EEPD1: variants seen among roughly 807,000 people sequenced by gnomAD.
EEPD1 encodes the protein endonuclease/exonuclease/phosphatase family domain containing 1.
A neutral mutation model predicts 46.3 loss-of-function variants in EEPD1; 17 were observed. The observed-to-expected ratio is 0.37, with a 90% CI of 0.25 to 0.55. EEPD1 has a LOEUF of 0.55. Among genes scored for constraint, EEPD1 ranks in the 20% least tolerant of loss-of-function variants. The pLI is 0.83. For synonymous variants in EEPD1, 313 were observed against 315.6 expected (o/e 0.99, Z 0.09); for missense variants, 673 against 745.6 (o/e 0.90, Z 1.13).
Position 36,154,760 on chromosome 7 carries a change from C to T in EEPD1, c.436C>T (p.Gln146Ter), listed in dbSNP as rs916892452. The change falls in exon 2 of 8, where the codon CAG (glutamine) becomes TAG (stop). Residue 146 changes from glutamine to a stop codon, truncating the protein, a stop_gained. Coordinates refer to ENST00000242108, the MANE Select transcript of EEPD1 (RefSeq NM_030636.3). LOFTEE classifies it high-confidence loss of function. The surrounding 1 kb of genome is among the most constrained non-coding windows in gnomAD (Gnocchi z 4.2). ...TAACATCAACACAGCCACCCCGGCCCAGCTCATGAGCGTGCGAGGCCTCTC... is the reference window on the plus strand; with the variant it reads ...TAACATCAACACAGCCACCCCGGCCTAGCTCATGAGCGTGCGAGGCCTCTC... ...RVNINTATPA[Q>*]LMSVRGLSEK... is the part of the protein sequence containing the mutation. The T allele has an allele frequency of 6.2e-7, 1 of 1,614,134 alleles. No individual in the cohort carries two copies. The highest frequency in any genetic ancestry group is 1.1e-5 in the South Asian group (1 of 91,070).
chr7:36,167,370 C>T (rs1785003047), intron 2 of EEPD1, among the ~76,000 whole-genome samples: 1 of 152,192 alleles, frequency 6.6e-6, no homozygotes, highest in African/African-American at 2.4e-5. Context: ...ACTTGTTTCA[C>T]AGTTTAAATG....
chr7:36,165,846 T>C (rs1334556280), intron 2 of EEPD1, among the ~76,000 whole-genome samples: 1 of 152,162 alleles, frequency 6.6e-6, no homozygotes, highest in Admixed American at 6.5e-5. Flanking sequence ...AATTGATACA[T>C]TGTCCAATTT....
chr7:36,258,915 C>G (rs1780351887), intron 3 of EEPD1, among the ~76,000 whole-genome samples: 1 of 150,416 alleles, frequency 6.6e-6, no homozygotes, highest in Admixed American at 6.6e-5. Flanking sequence ...CTGCAGCTAG[C>G]TCAGTGTCTG....
At chr7:36,216,160 A>G (rs562922919) in intron 2 of EEPD1, among the ~76,000 whole-genome samples, 17 of 152,336 alleles carry the variant, frequency 1.1e-4, no homozygotes, top group South Asian at 8.3e-4. Flanking sequence ...CCAGAGAAGT[A>G]TATCCAATTA....
intron 2 of EEPD1, among the ~76,000 whole-genome samples, chr7:36,160,381 G>T (rs1182218644): frequency 6.6e-6 from 1 of 152,230 alleles, no homozygotes; most frequent in South Asian, 2.1e-4. Flanking sequence ...TTAGATGGGG[G>T]TCAAAGAATG....
At chr7:36,280,382 C>T (rs770994280) in intron 3 of EEPD1, among the ~76,000 whole-genome samples, 44 of 152,220 alleles carry the variant, frequency 2.9e-4, no homozygotes, top group South Asian at 4.2e-4. Context: ...GTGGAGTGCT[C>T]CAAGGCTTGT....
chr7:36,207,718 A>C (rs1383935205), intron 2 of EEPD1, among the ~76,000 whole-genome samples: 2 of 152,154 alleles, frequency 1.3e-5, no homozygotes, highest in Non-Finnish European at 2.9e-5. Flanking sequence ...TATTTTGAAT[A>C]CAATTCTGCT....
intron 2 of EEPD1, among the ~76,000 whole-genome samples, chr7:36,180,983 CA>C (rs1562676403): frequency 6.6e-6 from 1 of 152,262 alleles, no homozygotes; most frequent in South Asian, 2.1e-4. Context: ...CTGCCCCCAG[CA>C]GCGTTTCTTA....
chr7:36,281,746 C>A (rs1189167663), intron 4 of EEPD1, among the ~76,000 whole-genome samples: 4 of 152,146 alleles, frequency 2.6e-5, no homozygotes, highest in African/African-American at 9.7e-5. Context: ...TGTAAATACA[C>A]GTTTTCCCTC....
At chr7:36,294,963 A>C (rs1787499267) in intron 6 of EEPD1, among the ~76,000 whole-genome samples, 1 of 152,090 alleles carries the variant, frequency 6.6e-6, no homozygotes, top group Admixed American at 6.6e-5. Context: ...GGATCACTTG[A>C]GGTCAGGAGT....
chr7:36,186,722 C>T (rs1276834502), intron 2 of EEPD1, among the ~76,000 whole-genome samples: 1 of 152,210 alleles, frequency 6.6e-6, no homozygotes, highest in Non-Finnish European at 1.5e-5. Flanking sequence ...AATGTGTACT[C>T]ACGTGGGTGG....
chr7:36,157,743 G>A (rs1784847141), intron 2 of EEPD1, among the ~76,000 whole-genome samples: 1 of 152,194 alleles, frequency 6.6e-6, no homozygotes, highest in African/African-American at 2.4e-5. Context: ...ATGAACTAAT[G>A]GACTCAGGGC....
At chr7:36,256,435 A>G (rs1038097182) in intron 3 of EEPD1, among the ~76,000 whole-genome samples, 11 of 152,194 alleles carry the variant, frequency 7.2e-5, no homozygotes, top group African/African-American at 2.4e-4. Context: ...AAAGTCTCCC[A>G]GTATTATTGT....
At chr7:36,272,607 C>T (rs1787127338) in intron 3 of EEPD1, among the ~76,000 whole-genome samples, 1 of 151,270 alleles carries the variant, frequency 6.6e-6, no homozygotes, top group African/African-American at 2.4e-5. Context: ...CTAACAGAAC[C>T]AGCAGTCGCT....
At chr7:36,238,905 G>C (rs878957005) in intron 2 of EEPD1, 80 bp from the exon 3 acceptor site, 1 of 1,426,376 alleles carries the variant, frequency 7.0e-7, no homozygotes, top group South Asian at 1.3e-5. Context: ...TCAGCCTTTT[G>C]TTCTTGCGAC....
chr7:36,160,798 A>G (rs1263621476), intron 2 of EEPD1, among the ~76,000 whole-genome samples: 2 of 152,118 alleles, frequency 1.3e-5, no homozygotes, highest in Non-Finnish European at 1.5e-5. Flanking sequence ...GAAGCCTTTT[A>G]GAGGTAAAAA....
At chr7:36,174,163 C>A (rs1290443116) in intron 2 of EEPD1, among the ~76,000 whole-genome samples, 1 of 152,214 alleles carries the variant, frequency 6.6e-6, no homozygotes, top group East Asian at 1.9e-4. Flanking sequence ...CGGGTCCTTA[C>A]CCGACCAGTT....
At chr7:36,254,249 G>C (rs1313723448) in intron 3 of EEPD1, among the ~76,000 whole-genome samples, 1 of 152,168 alleles carries the variant, frequency 6.6e-6, no homozygotes, top group East Asian at 1.9e-4. Context: ...ATCTACATTA[G>C]GTATTTCTCT....
chr7:36,243,117 G>A (rs1313671065), intron 3 of EEPD1, among the ~76,000 whole-genome samples: 3 of 152,294 alleles, frequency 2.0e-5, no homozygotes, highest in East Asian at 1.9e-4. Flanking sequence ...TGTTAGAAAC[G>A]TAGAATCTCA....
Sources: gnomAD v4.1 joint callset for allele counts (sites outside exome capture counted in the v4.1 genomes callset) on GRCh38, gnomAD v4.1.1 for gene constraint, Gnocchi (gnomAD v3.1) non-coding constraint, MANE v1.5 for transcripts, NCBI Gene and HGNC (gene_info 2026-07-23, HGNC 2026-07-21) for gene names.